Variants in TMEM62 observed in about 807,000 individuals in gnomAD.
TMEM62 encodes the protein transmembrane protein 62.
In TMEM62, 41 loss-of-function variants were observed where a neutral mutation model predicts 70.4. That is an observed-to-expected ratio of 0.58 (90% CI 0.45 to 0.76). The LOEUF (loss-of-function observed/expected upper bound fraction) is 0.76. Among genes scored for constraint, TMEM62 ranks in the 30% least tolerant of loss-of-function variants. The probability of loss-of-function intolerance (pLI) is 0.00; values close to 1 mark genes in which losing one functional copy is unlikely to be tolerated. For synonymous variants in TMEM62, 268 were observed against 291.0 expected, an observed-to-expected ratio of 0.92 and a Z score of 0.80; for missense variants, 688 against 788.5, an observed-to-expected ratio of 0.87 and a Z score of 1.53.
In TMEM62 at chr15:43,181,171, C is replaced by T. The variant is rs1252077546; in HGVS notation, c.1487-10C>T. On this transcript the variant is annotated splice_polypyrimidine_tract_variant and intron_variant, in intron 12 of 13. Transcript: ENST00000260403. ...TAATCTCCTCCTTTTTTGTCCATTG[C>T]CTCTTTTAGGTCCATGGTTTTTTGG... The T allele has an allele frequency of 3.2e-6, 5 of 1,563,142 alleles. No individual in the cohort carries two copies. The Admixed American group carries it at 8.4e-5, about 26-fold the overall frequency.
chr15:43,142,895 C>T (rs2036230899), intron 4 of TMEM62, among the ~76,000 whole-genome samples: 1 of 151,600 alleles, frequency 6.6e-6, no homozygotes, highest in Non-Finnish European at 1.5e-5. Flanking sequence ...GTCTTGAACT[C>T]CTGGGCTCAA....
At chr15:43,134,684 T>C (rs1288198631) in intron 2 of TMEM62, among the ~76,000 whole-genome samples, 2 of 152,230 alleles carry the variant, frequency 1.3e-5, no homozygotes, top group Non-Finnish European at 2.9e-5. Context: ...ACAGTTCTGG[T>C]TGTGAGAATT....
At position 43,160,690 on chromosome 15, in the gene TMEM62, G is replaced by A; in HGVS notation, c.1192G>A (p.Gly398Arg). The part of the protein sequence containing the change: ...NIEVIVQDSA[G>R]RSKSVHHIFS... ...CTGTGGTTATTACTAGGATTCTGCT[G>A]GAAGAAGTAAGAGTGTTCACCACAT... The change falls in exon 10 of 14, where the codon GGA (glycine) becomes AGA (arginine). Residue 398 changes from glycine (G) to arginine (R), a missense_variant. Physicochemically the swap from Gly to Arg is moderately radical, Grantham distance 125 (BLOSUM62 -2). Coordinates refer to ENST00000260403, the MANE Select transcript of TMEM62 (RefSeq NM_024956.4). 1 of 1,594,464 alleles carries A rather than the reference G, an allele frequency of 6.3e-7. No individual in the cohort carries two copies.
intron 3 of TMEM62, among the ~76,000 whole-genome samples, chr15:43,136,679 C>T (rs1397103808): frequency 6.6e-6 from 1 of 151,556 alleles, no homozygotes; most frequent in Non-Finnish European, 1.5e-5. Flanking sequence ...TGATCTCGAA[C>T]TCCTGACCTC....
chr15:43,155,780 T>C (rs2141759283), intron 9 of TMEM62, among the ~76,000 whole-genome samples: 1 of 152,362 alleles, frequency 6.6e-6, no homozygotes, highest in Middle Eastern at 3.4e-3. Context: ...TTGCTGTCTC[T>C]AATTGTAGGA....
chr15:43,156,813 C>T (rs1423834006), intron 9 of TMEM62, among the ~76,000 whole-genome samples: 3 of 152,124 alleles, frequency 2.0e-5, no homozygotes, highest in Non-Finnish European at 4.4e-5. Flanking sequence ...TGAGTTTTGA[C>T]ATATGTATAC....
chr15:43,140,559 C>G (rs1399934496), intron 4 of TMEM62, among the ~76,000 whole-genome samples: 1 of 152,202 alleles, frequency 6.6e-6, no homozygotes, highest in Non-Finnish European at 1.5e-5. Flanking sequence ...TTCTCTCTAT[C>G]AATACCTGCA....
chr15:43,141,585 A>G (rs185564988), intron 4 of TMEM62, among the ~76,000 whole-genome samples: 66 of 152,366 alleles, frequency 4.3e-4, no homozygotes, highest in African/African-American at 1.5e-3. Context: ...TATTCATTCT[A>G]TAGCCAATGG....
intron 1 of TMEM62, 63 bp from the exon 2 acceptor site, chr15:43,134,194 C>G (rs879603007): frequency 2.6e-6 from 4 of 1,555,172 alleles, no homozygotes; most frequent in Non-Finnish European, 3.5e-6. Flanking sequence ...GCCGCTGAGC[C>G]GCCCCTCCCC....
intron 10 of TMEM62, among the ~76,000 whole-genome samples, chr15:43,165,768 T>A (rs1041786812): frequency 2.0e-5 from 3 of 151,550 alleles, no homozygotes; most frequent in African/African-American, 7.3e-5. Flanking sequence ...AAAAAATAAA[T>A]AAATAAATAA....
At chr15:43,149,459 C>G (rs2037093033) in intron 7 of TMEM62, among the ~76,000 whole-genome samples, 1 of 151,084 alleles carries the variant, frequency 6.6e-6, no homozygotes, top group African/African-American at 2.4e-5. Context: ...GGCGCTGCCT[C>G]TAGAGATTTT....
At chr15:43,158,476 A>G (rs2038303138) in intron 9 of TMEM62, among the ~76,000 whole-genome samples, 2 of 152,206 alleles carry the variant, frequency 1.3e-5, no homozygotes, top group Admixed American at 1.3e-4. Context: ...GTGGCCTGCA[A>G]AATTGCTGAA....
chr15:43,155,393 G>A (rs1015942144), intron 9 of TMEM62, among the ~76,000 whole-genome samples: 2 of 152,116 alleles, frequency 1.3e-5, no homozygotes, highest in Non-Finnish European at 2.9e-5. Context: ...CTACTTGGGA[G>A]GCTGAGATGG....
intron 10 of TMEM62, among the ~76,000 whole-genome samples, chr15:43,167,839 G>A (rs1027332750): frequency 1.3e-5 from 2 of 152,206 alleles, no homozygotes; most frequent in Non-Finnish European, 2.9e-5. Context: ...GCACCATTGA[G>A]CACTGAGTGA....
In TMEM62 at chr15:43,134,429, G is replaced by C. The variant is rs1596170391; in HGVS notation, c.292+61G>C. 5 of 1,359,806 alleles carry C rather than the reference G, an allele frequency of 3.7e-6. No individual in the cohort carries two copies. The East Asian group carries it at 1.1e-4, about 31-fold the overall frequency. 84.2% of individuals were successfully genotyped at this position (1,359,806 alleles called of 1,614,324 possible). ...GGTCCGCATGGTAGAACTCTAGCCA[G>C]GGCTGTGGCTTTTCATTTTGGGGAC... On this transcript the variant is annotated intron_variant, in intron 2 of 13. Coordinates refer to ENST00000260403, the MANE Select transcript of TMEM62 (RefSeq NM_024956.4).
At chr15:43,142,324 A>AC (rs1438524801) in intron 4 of TMEM62, among the ~76,000 whole-genome samples, 6 of 150,836 alleles carry the variant, frequency 4.0e-5, no homozygotes, top group Non-Finnish European at 8.9e-5. Context: ...TGCCACCATG[A>AC]CCCGCTAATT....
chr15:43,169,853 T>G (rs1236527071), intron 11 of TMEM62, 176 bp downstream of exon 11: 2 of 544,762 alleles, frequency 3.7e-6, no homozygotes, highest in African/African-American at 3.8e-5. Flanking sequence ...CAGTTGGGAT[T>G]TATACATTTT....
chr15:43,138,414 C>G (rs1339810777), intron 3 of TMEM62, among the ~76,000 whole-genome samples, 160 bp from the exon 4 acceptor site: 2 of 152,088 alleles, frequency 1.3e-5, no homozygotes, highest in Non-Finnish European at 2.9e-5. Context: ...TCCTAGTCCT[C>G]CCACTGTTTG....
intron 9 of TMEM62, among the ~76,000 whole-genome samples, chr15:43,156,708 C>G (rs911430933): frequency 1.1e-4 from 16 of 152,036 alleles, no homozygotes; most frequent in African/African-American, 3.9e-4. Flanking sequence ...AAATCACATA[C>G]TTTTTGTATG....
Sources: allele counts gnomAD v4.1 joint callset (sites outside exome capture counted in the v4.1 genomes callset), GRCh38; gene constraint gnomAD v4.1.1; transcripts MANE v1.5; gene names NCBI Gene and HGNC (gene_info 2026-07-23, HGNC 2026-07-21).